RREB1: variants seen among roughly 807,000 people sequenced by gnomAD.
RREB1 encodes ras-responsive element-binding protein 1.
In RREB1, 27 loss-of-function variants were observed where a neutral mutation model predicts 117.8. That is an observed-to-expected ratio of 0.23 (90% confidence interval 0.17 to 0.32). The LOEUF (loss-of-function observed/expected upper bound fraction) is 0.32, where lower values mean the gene tolerates loss of function less well. Among genes scored for constraint, RREB1 ranks in the 10% least tolerant of loss-of-function variants. The pLI, the probability that RREB1 is intolerant of heterozygous loss-of-function variation, is 1.00. For missense variants in RREB1, 2,577 were observed against 2,378.2 expected (o/e 1.08, Z -1.74); for synonymous variants, 1,298 against 1,026.7 (o/e 1.26, Z -5.05).
chr6:7,222,434 C>T (rs1212449984), intron 8 of RREB1, among the ~76,000 whole-genome samples: 3 of 152,174 alleles, frequency 2.0e-5, no homozygotes, highest in African/African-American at 7.2e-5. Context: ...CTGATCCCCA[C>T]CTGGTGTCTC....
At position 7,231,793 on chromosome 6, in the gene RREB1, C is replaced by A. The variant is rs750794949; in HGVS notation, c.3694C>A (p.Leu1232Met). 6.2e-7 allele frequency: 1 copy of A among 1,613,780 alleles called. No individual in the cohort carries two copies. Among genetic ancestry groups the A allele is most frequent in the Non-Finnish European group, 8.5e-7 (1 of 1,180,036 alleles). Residue 1232 changes from leucine (L) to methionine (M), a missense_variant, in exon 10 of 13, where the codon CTG becomes ATG. Coordinates refer to ENST00000379938, the MANE Select transcript of RREB1 (RefSeq NM_001003699.4). ...EQGSPPEDKL[L>M]RAKRNSYTNC... Reference sequence around the variant, plus strand: ...GGGCAGTCCCCCAGAAGACAAGCTGCTGAGGGCCAAGCGGAACTCGTACAC... The same window carrying A: ...GGGCAGTCCCCCAGAAGACAAGCTGATGAGGGCCAAGCGGAACTCGTACAC...
At chr6:7,218,045 A>T (rs975610581) in intron 8 of RREB1, 1 of 152,254 alleles carries the variant, frequency 6.6e-6, no homozygotes, top group Non-Finnish European at 1.5e-5. Context: ...TGAAAAGCAG[A>T]TATTTAGAAA....
At chr6:7,208,246 G>A (rs1489523819) in intron 6 of RREB1, among the ~76,000 whole-genome samples, 1 of 152,230 alleles carries the variant, frequency 6.6e-6, no homozygotes, top group Non-Finnish European at 1.5e-5. Flanking sequence ...GTCTCATCAT[G>A]ATGATCCTGG....
At chr6:7,115,447 A>T (rs1761354432) in intron 1 of RREB1, among the ~76,000 whole-genome samples, 1 of 150,960 alleles carries the variant, frequency 6.6e-6, no homozygotes, top group Non-Finnish European at 1.5e-5. Flanking sequence ...CCAGAAAAGG[A>T]AGGGCTGCCA....
intron 1 of RREB1, among the ~76,000 whole-genome samples, chr6:7,122,296 T>C (rs1164963838): frequency 6.6e-6 from 1 of 152,220 alleles, no homozygotes; most frequent in African/African-American, 2.4e-5. Flanking sequence ...GATGGAGTTT[T>C]GTTGTGTCAC....
At chr6:7,185,792 T>G (rs1765052807) in intron 4 of RREB1, among the ~76,000 whole-genome samples, 1 of 152,206 alleles carries the variant, frequency 6.6e-6, no homozygotes, top group South Asian at 2.1e-4. Context: ...GGGTTAATCC[T>G]TTTGGTCAGA....
chr6:7,110,401 C>T (rs1361451818), intron 1 of RREB1, among the ~76,000 whole-genome samples: 1 of 152,074 alleles, frequency 6.6e-6, no homozygotes. Flanking sequence ...TTCAAGAGTC[C>T]ACAGAACTTC....
At chr6:7,206,230 G>A (rs1199425172) in intron 6 of RREB1, among the ~76,000 whole-genome samples, 2 of 152,192 alleles carry the variant, frequency 1.3e-5, no homozygotes, top group African/African-American at 2.4e-5. Context: ...ATTCCAATAC[G>A]AAAACATTAA....
chr6:7,127,032 G>GT (rs1318662042), intron 1 of RREB1, among the ~76,000 whole-genome samples: 1 of 152,228 alleles, frequency 6.6e-6, no homozygotes, highest in Non-Finnish European at 1.5e-5. Flanking sequence ...GCAAAAAGCA[G>GT]TTTAAGTACA....
chr6:7,187,027 A>G (rs1440952671), intron 4 of RREB1, among the ~76,000 whole-genome samples: 1 of 152,188 alleles, frequency 6.6e-6, no homozygotes, highest in Non-Finnish European at 1.5e-5. Context: ...ACCTGTTGCA[A>G]AATAGCCCAG....
At chr6:7,206,692 A>C (rs1199259598) in intron 6 of RREB1, among the ~76,000 whole-genome samples, 1 of 152,196 alleles carries the variant, frequency 6.6e-6, no homozygotes, top group Non-Finnish European at 1.5e-5. Flanking sequence ...TTGTGGGTGT[A>C]AGAGCATCTG....
chr6:7,240,654 G>T lies in RREB1; in HGVS notation c.3973+52G>T, dbSNP rs373472927. On this transcript the variant is annotated intron_variant, in intron 11 of 12. Transcript: ENST00000379938. ...CAGGAAGAGGGAGAGAGAGGAGTTC[G>T]GTTAAGAATTGTAGCAAACTCCAGT... The T allele has an allele frequency of 1.0e-4, 157 of 1,553,664 alleles. No individual in the cohort carries two copies. The African/African-American group carries it at 2.0e-3, about 20-fold the overall frequency.
chr6:7,153,411 T>TACAC (rs745553076), intron 1 of RREB1, among the ~76,000 whole-genome samples: 2 of 86,512 alleles, frequency 2.3e-5, no homozygotes, highest in African/African-American at 1.2e-4. Flanking sequence ...CCAGTAGTGG[T>TACAC]ATACACACAC....
chr6:7,146,086 A>C (rs973688568), intron 1 of RREB1, among the ~76,000 whole-genome samples: 1 of 151,036 alleles, frequency 6.6e-6, no homozygotes, highest in Non-Finnish European at 1.5e-5. Context: ...TCTTCAGACT[A>C]TACTCCCCCC....
In RREB1 at chr6:7,229,939, A is replaced by T. The variant is rs1767823179; in HGVS notation, c.1840A>T (p.Ile614Phe). 6.2e-7 allele frequency: 1 copy of T among 1,601,114 alleles called. No individual in the cohort carries two copies. Among genetic ancestry groups the T allele is most frequent in the Non-Finnish European group, 8.5e-7 (1 of 1,170,858 alleles). The change falls in exon 10 of 13, where the codon ATC becomes TTC. Residue 614 changes from isoleucine to phenylalanine, a missense_variant. Transcript: ENST00000379938. The surrounding 1 kb of genome is among the most constrained non-coding windows in gnomAD (Gnocchi z 4.5). ...GCTGCCGCTGAGCATGGAGGCCAAG[A>T]TCAAGCAGGAGATCACAGAGGGGGA... ...ALLPLSMEAKIKQEITEGELK... is the reference protein window; with the variant it reads ...ALLPLSMEAKFKQEITEGELK...
chr6:7,248,754 G>A lies in RREB1; in HGVS notation c.5015G>A (p.Ser1672Asn). The A allele has an allele frequency of 1.2e-6, 2 of 1,614,108 alleles. No homozygotes were observed. Among genetic ancestry groups the A allele is most frequent in the Non-Finnish European group, 1.7e-6 (2 of 1,180,010 alleles). Residue 1672 changes from serine to asparagine, a missense_variant, in exon 13 of 13, where the codon AGC (serine) becomes AAC (asparagine). Transcript: ENST00000379938. ...NASNHMAVTR[S>N]RKEGLASATK... ...AGCAACCACATGGCTGTCACCCGGA[G>A]CCGGAAGGAGGGCTTGGCCAGTGCC...
rs771693035 is a variant in RREB1 at position 7,229,152 on chromosome 6, G to A, written c.1053G>A (p.Thr351=). 1.2e-6 allele frequency: 2 copies of A among 1,609,818 alleles called. No homozygotes were observed. The highest frequency in any genetic ancestry group is 1.3e-5 in the African/African-American group (1 of 74,972). ...AGGGTCAAGAAAAGCCGCAGGCCACGCCCCTGCCTGGTGACGCCCTGGACC... is the reference window on the plus strand; with the variant it reads ...AGGGTCAAGAAAAGCCGCAGGCCACACCCCTGCCTGGTGACGCCCTGGACC... ...ADQGQEKPQA[T]PLPGDALDQK... is the part of the protein sequence containing the mutation. The change falls in exon 10 of 13, where the codon ACG becomes ACA. Residue 351 remains threonine (T), a synonymous_variant. Transcript: ENST00000379938. The surrounding 1 kb of genome is among the most constrained non-coding windows in gnomAD (Gnocchi z 4.5).
intron 1 of RREB1, among the ~76,000 whole-genome samples, chr6:7,128,463 G>C (rs1762025324): frequency 6.6e-6 from 1 of 152,116 alleles, no homozygotes; most frequent in Admixed American, 6.5e-5. Context: ...GTATGTCTCT[G>C]TGTGTAATCA....
intron 1 of RREB1, among the ~76,000 whole-genome samples, chr6:7,118,790 T>C (rs1343730286): frequency 1.4e-5 from 2 of 144,124 alleles, no homozygotes; most frequent in African/African-American, 5.1e-5. Context: ...AATCCCATGG[T>C]GTTTTTTTTA....
Sources: gnomAD v4.1 joint callset for allele counts (sites outside exome capture counted in the v4.1 genomes callset) on GRCh38, gnomAD v4.1.1 for gene constraint, Gnocchi (gnomAD v3.1) non-coding constraint, MANE v1.5 for transcripts, NCBI Gene and HGNC (gene_info 2026-07-23, HGNC 2026-07-21) for gene names.